Variants in RGS6 observed in about 807,000 individuals in gnomAD.
RGS6 encodes the protein regulator of G-protein signaling 6.
RGS6 carries 30 observed loss-of-function variants against 78.5 expected under a neutral mutation model. The ratio of observed to expected loss-of-function variants is 0.38; its 90% CI spans 0.29 to 0.52. RGS6 has a LOEUF of 0.52. Ranked by LOEUF, RGS6 falls within the 20% of genes least tolerant of loss-of-function variation. RGS6 has a pLI of 0.85. For missense variants in RGS6, 495 were observed against 609.7 expected (o/e 0.81, Z 1.98); for synonymous variants, 206 against 206.0 (o/e 1.00, Z 0.00).
chr14:71,947,845 G>A (rs1472261008), intron 1 of RGS6, among the ~76,000 whole-genome samples: 1 of 152,086 alleles, frequency 6.6e-6, no homozygotes, highest in Non-Finnish European at 1.5e-5. Flanking sequence ...CATGTTGTTG[G>A]GTATATGAAG....
chr14:72,419,043 C>G (rs1022807102), intron 3 of RGS6, among the ~76,000 whole-genome samples: 1 of 152,208 alleles, frequency 6.6e-6, no homozygotes, highest in African/African-American at 2.4e-5. Context: ...GCCTTGGATG[C>G]GTTTCCCAGC....
the RGS6 span, among the ~76,000 whole-genome samples, chr14:71,897,256 C>T: frequency 2.0e-5 from 3 of 152,140 alleles, no homozygotes; most frequent in African/African-American, 7.2e-5. Context: ...GTATGGGTTC[C>T]AGAATAAGGA....
At chr14:72,311,219 A>T (rs375405525) in intron 2 of RGS6, among the ~76,000 whole-genome samples, 1 of 152,218 alleles carries the variant, frequency 6.6e-6, no homozygotes, top group East Asian at 1.9e-4. Context: ...TGAAAGCAAA[A>T]CAGTGACTAA....
Position 71,964,077 on chromosome 14 carries a change from T to G in RGS6, c.-20-695T>G, listed in dbSNP as rs534007899. The stretch of plus-strand genomic sequence containing the variant: ...TAATCTTAATGGGTATGAAGTGGTA[T>G]CTCCTTGTGGTCTGGATTTTGATTT... On this transcript the variant is annotated intron_variant, in intron 1 of 17. Transcript: ENST00000553525. Among the ~76,000 whole-genome samples the G allele has an allele frequency of 5.3e-5, 8 of 152,274 alleles. No individual in the cohort carries two copies. The East Asian group carries it at 1.5e-3, about 29-fold the overall frequency.
chr14:72,299,529 A>G (rs766016858), intron 2 of RGS6, among the ~76,000 whole-genome samples: 4 of 152,236 alleles, frequency 2.6e-5, no homozygotes, highest in Non-Finnish European at 5.9e-5. Context: ...ACGTAACTCT[A>G]TATTTAAGCT....
chr14:71,893,610 G>T, the RGS6 span, among the ~76,000 whole-genome samples: 4 of 152,200 alleles, frequency 2.6e-5, no homozygotes. Context: ...AGGAGGGAAG[G>T]GACAGATTGG....
chr14:72,190,897 A>T (rs2097315598), intron 2 of RGS6, among the ~76,000 whole-genome samples: 1 of 152,226 alleles, frequency 6.6e-6, no homozygotes, highest in Non-Finnish European at 1.5e-5. Flanking sequence ...TTAGAGATGT[A>T]GGCTGTCCCA....
intron 3 of RGS6, among the ~76,000 whole-genome samples, chr14:72,429,758 T>C (rs2094554885): frequency 1.3e-5 from 2 of 152,214 alleles, no homozygotes; most frequent in Admixed American, 1.3e-4. Context: ...ATGATTAGGC[T>C]TTGTGTCCCC....
At chr14:71,906,692 G>C in the RGS6 span, among the ~76,000 whole-genome samples, 1 of 125,632 alleles carries the variant, frequency 8.0e-6, no homozygotes, top group Admixed American at 8.3e-5. Context: ...AATGAGGAAG[G>C]GTATATACAA....
In RGS6 at chr14:72,541,033, G is replaced by A. The variant is rs1016012203; in HGVS notation, c.1422+939G>A. Reference sequence around the variant, plus strand: ...CCAAGATTTGAACATTGAGCTCAGTGCACAAGAAATACTCAATCCCGCTCA... The same window carrying A: ...CCAAGATTTGAACATTGAGCTCAGTACACAAGAAATACTCAATCCCGCTCA... On this transcript the variant is annotated intron_variant, in intron 17 of 17. Transcript: ENST00000553525. 61 of 1,313,566 alleles carry A rather than the reference G, an allele frequency of 4.6e-5. 1 individual carries two copies. The African/African-American group carries it at 7.6e-4, about 16-fold the overall frequency. 81.4% of individuals were successfully genotyped at this position (1,313,566 alleles called of 1,614,324 possible).
intron 2 of RGS6, among the ~76,000 whole-genome samples, chr14:72,229,675 A>G (rs1401946225): frequency 6.6e-6 from 1 of 152,188 alleles, no homozygotes; most frequent in East Asian, 1.9e-4. Context: ...TGCACAGATC[A>G]AATTAACTTA....
chr14:72,011,365 G>A (rs971462471), intron 2 of RGS6, among the ~76,000 whole-genome samples: 2 of 152,122 alleles, frequency 1.3e-5, no homozygotes, highest in African/African-American at 4.8e-5. Flanking sequence ...GCCTCATGAT[G>A]GCATCATTTG....
intron 2 of RGS6, among the ~76,000 whole-genome samples, chr14:72,196,495 G>A (rs921114790): frequency 2.0e-5 from 3 of 152,130 alleles, no homozygotes; most frequent in Admixed American, 6.5e-5. Flanking sequence ...CTGCTATCAC[G>A]TGACATGCCC....
chr14:71,912,044 A>G, the RGS6 span, among the ~76,000 whole-genome samples: 1 of 152,218 alleles, frequency 6.6e-6, no homozygotes, highest in African/African-American at 2.4e-5. Context: ...TGGAAGACAC[A>G]AAGCATCCCG....
rs1031474579 is a variant in RGS6, at chr14:72,565,435, ACT to A, written c.*2973_*2974del. On this transcript the variant is annotated 3_prime_UTR_variant, in exon 18 of 18. Coordinates refer to ENST00000553525, the MANE Select transcript of RGS6 (RefSeq NM_001204424.2). ...AGATGGCCTGAACTAAGCAGCAGGA[ACT>A]CTCTGGGCTGGGGAGGAGCCTCCTG... The A allele has an allele frequency of 5.3e-5, 8 of 152,208 alleles. No homozygotes were observed. The highest frequency in any genetic ancestry group is 1.9e-4 in the African/African-American group (8 of 41,444). 9.4% of individuals were successfully genotyped at this position (152,208 alleles called of 1,614,324 possible).
intron 2 of RGS6, among the ~76,000 whole-genome samples, chr14:72,237,253 C>T (rs573518371): frequency 1.3e-5 from 2 of 152,150 alleles, no homozygotes; most frequent in African/African-American, 2.4e-5. Context: ...ATTTACTTAT[C>T]GATGGTCACC....
At chr14:72,432,825 A>G (rs2094710179) in intron 3 of RGS6, among the ~76,000 whole-genome samples, 2 of 152,212 alleles carry the variant, frequency 1.3e-5, no homozygotes, top group South Asian at 4.1e-4. Flanking sequence ...CATGTTTCTA[A>G]GAGTAGCCAC....
intron 5 of RGS6, among the ~76,000 whole-genome samples, chr14:72,459,119 A>G (rs150071891): frequency 2.6e-5 from 4 of 152,106 alleles, no homozygotes; most frequent in Non-Finnish European, 5.9e-5. Context: ...TGATCTTTCT[A>G]CTGTCTCATG....
chr14:72,345,347 T>G (rs930668622), intron 2 of RGS6, among the ~76,000 whole-genome samples: 2 of 152,366 alleles, frequency 1.3e-5, no homozygotes, highest in East Asian at 3.9e-4. Flanking sequence ...TGGATTTTTT[T>G]GTTGTGGTTA....
Sources: gnomAD v4.1 joint callset for allele counts (sites outside exome capture counted in the v4.1 genomes callset) on GRCh38, gnomAD v4.1.1 for gene constraint, MANE v1.5 for transcripts, NCBI Gene and HGNC (gene_info 2026-07-23, HGNC 2026-07-21) for gene names.